ST6GALNAC5: variants seen among roughly 807,000 people sequenced by gnomAD.
ST6GALNAC5 encodes the protein alpha-N-acetylgalactosaminide alpha-2,6-sialyltransferase 5.
ST6GALNAC5 carries 27 observed loss-of-function variants against 33.6 expected under a neutral mutation model. The ratio of observed to expected loss-of-function variants is 0.80; its 90% CI spans 0.59 to 1.11. The LOEUF (loss-of-function observed/expected upper bound fraction) is 1.11. Ranked by LOEUF, ST6GALNAC5 falls within the 50% of genes least tolerant of loss-of-function variation. The pLI is 0.00. For synonymous variants in ST6GALNAC5, 194 were observed against 171.2 expected (o/e 1.13, Z -1.04); for missense variants, 428 against 454.0 (o/e 0.94, Z 0.52).
At chr1:76,971,940 GT>G (rs1033407311) in intron 2 of ST6GALNAC5, among the ~76,000 whole-genome samples, 17 of 152,202 alleles carry the variant, frequency 1.1e-4, no homozygotes, top group Middle Eastern at 3.4e-3. Flanking sequence ...CATTCATCCA[GT>G]TTCCATCCCT....
chr1:77,024,737 C>T (rs1651171519), intron 2 of ST6GALNAC5, among the ~76,000 whole-genome samples: 1 of 152,166 alleles, frequency 6.6e-6, no homozygotes, highest in African/African-American at 2.4e-5. Context: ...GAGCCTGAGC[C>T]AAGATATGAT....
At position 76,880,614 on chromosome 1, in the gene ST6GALNAC5, G is replaced by A. The variant is rs937838084; in HGVS notation, c.261+11872G>A. 3.2e-4 allele frequency among the ~76,000 whole-genome samples: 49 copies of A among 152,314 alleles called. 1 individual carries two copies. The highest frequency in any genetic ancestry group is 1.2e-3 in the African/African-American group (48 of 41,570). ...TCGAGGGCAGGAAGCATCCAGCATG[G>A]AAGAAAGATGTAGGCTAAGAGGCTA... On this transcript the variant is annotated intron_variant, in intron 2 of 4. Coordinates refer to ENST00000477717, the MANE Select transcript of ST6GALNAC5 (RefSeq NM_030965.3).
At chr1:76,995,697 T>C (rs1013085649) in intron 2 of ST6GALNAC5, among the ~76,000 whole-genome samples, 9 of 151,740 alleles carry the variant, frequency 5.9e-5, no homozygotes, top group Non-Finnish European at 1.0e-4. Flanking sequence ...AATATTTGTA[T>C]TATTAATATT....
At chr1:76,898,728 T>C (rs1047111964) in intron 2 of ST6GALNAC5, among the ~76,000 whole-genome samples, 8 of 152,000 alleles carry the variant, frequency 5.3e-5, no homozygotes, top group Non-Finnish European at 1.5e-5. Flanking sequence ...GCTGGGCAGG[T>C]TGGGGAGGGC....
chr1:77,053,150 T>C (rs1652284002), intron 4 of ST6GALNAC5, among the ~76,000 whole-genome samples: 1 of 152,196 alleles, frequency 6.6e-6, no homozygotes, highest in South Asian at 2.1e-4. Flanking sequence ...ACTGGTAGGC[T>C]AGTCTGCTAC....
intron 2 of ST6GALNAC5, among the ~76,000 whole-genome samples, chr1:76,902,249 G>C (rs1646824571): frequency 6.6e-6 from 1 of 151,634 alleles, no homozygotes; most frequent in African/African-American, 2.4e-5. Flanking sequence ...TGAAAATGAA[G>C]GAAACAATTC....
chr1:76,915,430 C>T (rs1483341003), intron 2 of ST6GALNAC5, among the ~76,000 whole-genome samples: 1 of 152,138 alleles, frequency 6.6e-6, no homozygotes, highest in Non-Finnish European at 1.5e-5. Flanking sequence ...ATAGCAAAGA[C>T]TTCGAACCAA....
At chr1:76,969,369 G>C (rs757027731) in intron 2 of ST6GALNAC5, among the ~76,000 whole-genome samples, 1 of 152,220 alleles carries the variant, frequency 6.6e-6, no homozygotes, top group Non-Finnish European at 1.5e-5. Flanking sequence ...CACACCAGGA[G>C]ATTATATCCC....
chr1:77,041,213 T>TCCATTACATAATC (rs1651820740), intron 2 of ST6GALNAC5, among the ~76,000 whole-genome samples: 3 of 152,258 alleles, frequency 2.0e-5, no homozygotes, highest in African/African-American at 7.2e-5. Flanking sequence ...TCCTGGTTGT[T>TCCATTACATAATC]CTCTCACCTC....
intron 2 of ST6GALNAC5, among the ~76,000 whole-genome samples, chr1:76,927,784 C>G (rs1457626199): frequency 6.6e-6 from 1 of 152,036 alleles, no homozygotes; most frequent in Non-Finnish European, 1.5e-5. Context: ...TAAAATGTAT[C>G]TATTCTCTTT....
intron 2 of ST6GALNAC5, among the ~76,000 whole-genome samples, chr1:76,975,686 T>C (rs1648981526): frequency 6.6e-6 from 1 of 152,174 alleles, no homozygotes; most frequent in Non-Finnish European, 1.5e-5. Context: ...ATGTACTGTG[T>C]GATATGATTT....
At chr1:77,005,930 GT>G (rs1201726719) in intron 2 of ST6GALNAC5, among the ~76,000 whole-genome samples, 48 of 152,114 alleles carry the variant, frequency 3.2e-4, no homozygotes. Context: ...TACACATTTT[GT>G]TTATCCATTC....
intron 4 of ST6GALNAC5, among the ~76,000 whole-genome samples, chr1:77,055,290 G>A (rs922096113): frequency 1.3e-5 from 2 of 152,134 alleles, no homozygotes; most frequent in Non-Finnish European, 2.9e-5. Flanking sequence ...AATTCATAAA[G>A]GAACTCACCC....
intron 2 of ST6GALNAC5, among the ~76,000 whole-genome samples, chr1:77,030,070 T>A (rs1651394985): frequency 6.6e-6 from 1 of 152,238 alleles, no homozygotes; most frequent in Non-Finnish European, 1.5e-5. Flanking sequence ...CTTGGGTCCC[T>A]TAGAATTTTT....
intron 2 of ST6GALNAC5, among the ~76,000 whole-genome samples, chr1:76,977,775 G>T (rs1275336368): frequency 1.3e-5 from 2 of 152,134 alleles, no homozygotes; most frequent in Admixed American, 6.5e-5. Context: ...GAATAGCACT[G>T]CAATAAAAAC....
At chr1:77,013,477 C>G (rs1650715363) in intron 2 of ST6GALNAC5, among the ~76,000 whole-genome samples, 1 of 152,218 alleles carries the variant, frequency 6.6e-6, no homozygotes, top group Non-Finnish European at 1.5e-5. Flanking sequence ...TATGAGCTTT[C>G]TCACCCAACT....
chr1:77,022,693 T>C (rs1209211140), intron 2 of ST6GALNAC5, among the ~76,000 whole-genome samples: 2 of 152,190 alleles, frequency 1.3e-5, no homozygotes, highest in African/African-American at 4.8e-5. Flanking sequence ...TTATATCCAT[T>C]GTGAAAAAGT....
chr1:76,904,115 A>G (rs1337330245), intron 2 of ST6GALNAC5, among the ~76,000 whole-genome samples: 6 of 152,252 alleles, frequency 3.9e-5, no homozygotes, highest in Admixed American at 6.5e-5. Flanking sequence ...CCCAGGCCGC[A>G]TGCTTCTGGG....
chr1:76,912,976 T>A (rs370747150), intron 2 of ST6GALNAC5, among the ~76,000 whole-genome samples: 1 of 151,986 alleles, frequency 6.6e-6, no homozygotes, highest in South Asian at 2.1e-4. Context: ...GTTAGCTGGT[T>A]ATTTTGCTCA....
Sources: allele counts gnomAD v4.1 joint callset (sites outside exome capture counted in the v4.1 genomes callset), GRCh38; gene constraint gnomAD v4.1.1; transcripts MANE v1.5; gene names NCBI Gene and HGNC (gene_info 2026-07-23, HGNC 2026-07-21).